RAD51C: variants seen among roughly 807,000 people sequenced by gnomAD.
The protein encoded by RAD51C is DNA repair protein RAD51 homolog 3.
RAD51C carries 42 observed loss-of-function variants against 45.0 expected under a neutral mutation model. The ratio of observed to expected loss-of-function variants is 0.93; its 90% CI spans 0.73 to 1.21. RAD51C has a LOEUF of 1.21. RAD51C is among the 50% of genes most tolerant of loss of function. The pLI, the probability that RAD51C is intolerant of heterozygous loss-of-function variation, is 0.00. For missense variants in RAD51C, 474 were observed against 452.2 expected, an observed-to-expected ratio of 1.05 and a Z score of -0.44; for synonymous variants, 172 against 159.8, an observed-to-expected ratio of 1.08 and a Z score of -0.58.
intron 3 of RAD51C, among the ~76,000 whole-genome samples, chr17:58,698,152 T>C (rs1398053637): frequency 6.7e-6 from 1 of 150,054 alleles, no homozygotes; most frequent in Non-Finnish European, 1.5e-5. Flanking sequence ...GCTGGAATTA[T>C]AGGCATGTGT....
intron 3 of RAD51C, among the ~76,000 whole-genome samples, chr17:58,697,236 A>T (rs2048049367): frequency 6.6e-6 from 1 of 152,204 alleles, no homozygotes; most frequent in South Asian, 2.1e-4. Flanking sequence ...AACCAAAGGT[A>T]GCTTTGAAAA....
intron 2 of RAD51C, among the ~76,000 whole-genome samples, chr17:58,696,162 G>A (rs757235880): frequency 5.3e-5 from 8 of 152,150 alleles, no homozygotes; most frequent in Non-Finnish European, 1.2e-4. Flanking sequence ...GCTGGGCGCA[G>A]TGGCTGACGC....
intron 7 of RAD51C, among the ~76,000 whole-genome samples, chr17:58,729,781 A>C (rs1206357653): frequency 6.6e-6 from 1 of 151,556 alleles, no homozygotes; most frequent in Non-Finnish European, 1.5e-5. Flanking sequence ...CATTTTGACC[A>C]GGCTGGTCTC....
intron 2 of RAD51C, 125 bp from the exon 3 acceptor site, chr17:58,696,568 G>A (rs1445447537): frequency 5.5e-6 from 6 of 1,094,082 alleles, no homozygotes; most frequent in Non-Finnish European, 6.9e-6. Flanking sequence ...CATTTCTGTT[G>A]CCTTGGGGAG....
intron 7 of RAD51C, among the ~76,000 whole-genome samples, chr17:58,730,331 ATTTTTTT>A (rs374899142): frequency 1.5e-5 from 2 of 135,042 alleles, no homozygotes; most frequent in African/African-American, 2.7e-5. Context: ...CGCCCAGCTA[ATTTTTTT>A]TTTTTTTTTT....
intron 3 of RAD51C, among the ~76,000 whole-genome samples, chr17:58,700,882 C>T (rs1351841434): frequency 3.3e-5 from 5 of 151,832 alleles, no homozygotes; most frequent in Non-Finnish European, 5.9e-5. Flanking sequence ...TATTTAAGTA[C>T]ATTTTATTTA....
In RAD51C at chr17:58,730,184, A is replaced by G. The variant is rs1279975758; in HGVS notation, c.966-2300A>G. ...CTGTTCTTTTTTTTTTTTTTTTTTG[A>G]GATGGAGTCTCGCCCTGTCGCCCAG... On this transcript the variant is annotated intron_variant, in intron 7 of 8. Transcript: ENST00000337432. Among the ~76,000 whole-genome samples, 9 of 94,296 alleles carry G rather than the reference A, an allele frequency of 9.5e-5. No individual in the cohort carries two copies. In the East Asian group the frequency reaches 2.2e-3, roughly 23 times the overall value. 61.9% of individuals were successfully genotyped at this position (94,296 alleles called of 152,430 possible). A position where few individuals can be genotyped will look rare whatever the true frequency, so the allele number is the denominator to read the frequency against.
intron 5 of RAD51C, among the ~76,000 whole-genome samples, 183 bp from the exon 6 acceptor site, chr17:58,720,563 C>T (rs995639691): frequency 2.8e-4 from 43 of 151,970 alleles, no homozygotes; most frequent in African/African-American, 1.0e-3. Flanking sequence ...CTCTGCCTGC[C>T]CCAGGTTCAA....
intron 5 of RAD51C, among the ~76,000 whole-genome samples, chr17:58,712,330 G>C (rs903094860): frequency 8.7e-6 from 1 of 114,750 alleles, no homozygotes; most frequent in African/African-American, 3.6e-5. Flanking sequence ...GGGCGAGAGA[G>C]CAACACTCCA....
intron 4 of RAD51C, among the ~76,000 whole-genome samples, chr17:58,708,919 C>G (rs975574555): frequency 1.3e-5 from 2 of 151,568 alleles, no homozygotes; most frequent in Non-Finnish European, 2.9e-5. Context: ...AAAAAGAACC[C>G]GGAAGGTAAA....
chr17:58,712,344 CAAAAAAAAAAA>C (rs5821244), intron 5 of RAD51C, among the ~76,000 whole-genome samples: 2 of 83,076 alleles, frequency 2.4e-5, no homozygotes, highest in Non-Finnish European at 4.5e-5. Context: ...CACTCCATCT[CAAAAAAAAAAA>C]AAAAAAAAAA....
intron 5 of RAD51C, among the ~76,000 whole-genome samples, chr17:58,719,978 C>G (rs980084867): frequency 2.7e-5 from 4 of 150,856 alleles, no homozygotes; most frequent in Admixed American, 2.7e-4. Context: ...TCCGCTCACC[C>G]TGTTAGCCAG....
At chr17:58,700,441 A>T (rs2048173863) in intron 3 of RAD51C, among the ~76,000 whole-genome samples, 1 of 151,824 alleles carries the variant, frequency 6.6e-6, no homozygotes, top group African/African-American at 2.4e-5. Flanking sequence ...TTTTTATTTT[A>T]ATTAATTAAT....
At chr17:58,709,454 C>T (rs1294291919) in intron 4 of RAD51C, among the ~76,000 whole-genome samples, 1 of 152,112 alleles carries the variant, frequency 6.6e-6, no homozygotes, top group Non-Finnish European at 1.5e-5. Flanking sequence ...GCAGAAAGCA[C>T]TGGCTGAACA....
Position 58,695,190 on chromosome 17 carries a change from G to A in RAD51C, c.404+1G>A, listed in dbSNP as rs1555593939. On this transcript the variant is annotated splice_donor_variant, in intron 2 of 8. Coordinates refer to ENST00000337432, the MANE Select transcript of RAD51C (RefSeq NM_058216.3). LOFTEE classifies it high-confidence loss of function. ...CAGGTGTTGGAAAAACACAATTATG[G>A]TAAAATAAAGTGTTCTCCTTTTAAG... The A allele has an allele frequency of 6.2e-7, 1 of 1,609,712 alleles. No individual in the cohort carries two copies. Among genetic ancestry groups the A allele is most frequent in the South Asian group, 1.1e-5 (1 of 90,766 alleles).
At chr17:58,727,934 A>T in intron 7 of RAD51C, among the ~76,000 whole-genome samples, 1 of 150,320 alleles carries the variant, frequency 6.7e-6, no homozygotes, top group Admixed American at 6.6e-5. Flanking sequence ...TCTCTAAGAT[A>T]TTAAAAAAAA....
At chr17:58,696,944 A>G in intron 3 of RAD51C, 85 bp downstream of exon 3, 2 of 1,462,114 alleles carry the variant, frequency 1.4e-6, no homozygotes, top group Non-Finnish European at 1.9e-6. Context: ...GCAACACTCC[A>G]TTTGGAATGT....
intron 3 of RAD51C, among the ~76,000 whole-genome samples, chr17:58,698,741 C>T (rs2048107456): frequency 6.6e-6 from 1 of 150,976 alleles, no homozygotes; most frequent in Admixed American, 6.6e-5. Context: ...GGAGCCATGG[C>T]GAAACCCCGT....
At chr17:58,716,150 T>A (rs2048727475) in intron 5 of RAD51C, among the ~76,000 whole-genome samples, 1 of 151,258 alleles carries the variant, frequency 6.6e-6, no homozygotes, top group African/African-American at 2.4e-5. Context: ...CTTGGCATAA[T>A]CACATACTAA....
Sources: allele counts gnomAD v4.1 joint callset (sites outside exome capture counted in the v4.1 genomes callset), GRCh38; gene constraint gnomAD v4.1.1; transcripts MANE v1.5; gene names NCBI Gene and HGNC (gene_info 2026-07-23, HGNC 2026-07-21).